The following ROBO1 variants were observed in gnomAD, a reference collection of about 807,000 sequenced individuals.
The protein encoded by ROBO1 is roundabout homolog 1.
ROBO1 carries 149 observed loss-of-function variants against 195.9 expected under a neutral mutation model. The observed-to-expected ratio is 0.76, with a 90% CI of 0.67 to 0.87. The LOEUF is 0.87. Ranked by LOEUF, ROBO1 falls within the 40% of genes least tolerant of loss-of-function variation. ROBO1 has a pLI of 0.00. For missense variants in ROBO1, 1,933 were observed against 2,068.3 expected, an observed-to-expected ratio of 0.93 and a Z score of 1.27; for synonymous variants, 816 against 733.2, an observed-to-expected ratio of 1.11 and a Z score of -1.82.
At chr3:79,713,711 G>A (rs1331697945) in intron 1 of ROBO1, among the ~76,000 whole-genome samples, 1 of 152,092 alleles carries the variant, frequency 6.6e-6, no homozygotes, top group Non-Finnish European at 1.5e-5. Flanking sequence ...TTCTTCTAGG[G>A]TTTTTATGGT....
At chr3:79,161,209 C>A (rs2080957591) in intron 2 of ROBO1, among the ~76,000 whole-genome samples, 2 of 152,152 alleles carry the variant, frequency 1.3e-5, no homozygotes, top group Middle Eastern at 3.4e-3. Flanking sequence ...ACCAAGGCTG[C>A]CTGCCAAGTC....
chr3:79,404,399 C>T (rs73127378), intron 2 of ROBO1, among the ~76,000 whole-genome samples: 10,046 of 152,104 alleles, frequency 0.066, 402 homozygotes, highest in East Asian at 0.14. Context: ...CAACTATATC[C>T]ACCATAATTG....
intron 3 of ROBO1, among the ~76,000 whole-genome samples, chr3:78,983,465 C>G (rs1331046433): frequency 2.0e-5 from 3 of 152,212 alleles, no homozygotes; most frequent in Non-Finnish European, 4.4e-5. Context: ...CTTCTCAATT[C>G]TCAGAGTTCA....
At chr3:78,718,395 C>T (rs999922986) in intron 5 of ROBO1, among the ~76,000 whole-genome samples, 13 of 152,118 alleles carry the variant, frequency 8.5e-5, no homozygotes, top group South Asian at 2.1e-4. Flanking sequence ...ATCTTCATTG[C>T]GAAAACATAG....
chr3:79,755,603 C>A (rs946405477), intron 1 of ROBO1, among the ~76,000 whole-genome samples: 2 of 151,978 alleles, frequency 1.3e-5, no homozygotes, highest in Non-Finnish European at 2.9e-5. Flanking sequence ...TTTAATGACA[C>A]TGGAATAGGA....
At chr3:78,599,366 C>G (rs62260368) in intron 30 of ROBO1, among the ~76,000 whole-genome samples, 2,293 of 152,262 alleles carry the variant, frequency 0.015, 21 homozygotes, top group African/African-American at 0.019. Context: ...GAAAGTCTTT[C>G]TCATTCTAAA....
chr3:78,734,550 T>C (rs1381668407), intron 5 of ROBO1, among the ~76,000 whole-genome samples: 1 of 150,218 alleles, frequency 6.7e-6, no homozygotes, highest in Non-Finnish European at 1.5e-5. Flanking sequence ...GACAGAGAGA[T>C]ACCCTGTCTC....
intron 8 of ROBO1, among the ~76,000 whole-genome samples, chr3:78,706,101 C>T (rs2081544947): frequency 6.6e-6 from 1 of 151,958 alleles, no homozygotes; most frequent in Admixed American, 6.6e-5. Flanking sequence ...CCATTAAGGG[C>T]AGTAGTAGCA....
Position 78,906,052 on chromosome 3 carries a change from T to C in ROBO1, c.499+32549A>G, listed in dbSNP as rs529579671. 5.9e-5 allele frequency among the ~76,000 whole-genome samples: 9 copies of C among 152,310 alleles called. No homozygotes were observed. In the East Asian group the frequency reaches 1.5e-3, roughly 26 times the overall value. ...AAGAATGTTATAAATGTGAATACTTTTTTGTTGTTTTTCATTTTTGTTTTA... is the reference window on the plus strand; with the variant it reads ...AAGAATGTTATAAATGTGAATACTTCTTTGTTGTTTTTCATTTTTGTTTTA... On this transcript the variant is annotated intron_variant, in intron 4 of 30. Coordinates refer to ENST00000464233, the MANE Select transcript of ROBO1 (RefSeq NM_002941.4).
At chr3:78,792,323 T>G (rs1333426340) in intron 4 of ROBO1, among the ~76,000 whole-genome samples, 1 of 152,232 alleles carries the variant, frequency 6.6e-6, no homozygotes, top group Non-Finnish European at 1.5e-5. Flanking sequence ...GGAATGTGCT[T>G]CTTTGTTTTC....
chr3:79,522,165 C>A (rs945305558), intron 2 of ROBO1, among the ~76,000 whole-genome samples: 1 of 152,010 alleles, frequency 6.6e-6, no homozygotes, highest in Non-Finnish European at 1.5e-5. Flanking sequence ...ATAATAAATT[C>A]TGTATTTTAA....
At chr3:78,696,632 A>C (rs1460766569) in intron 8 of ROBO1, among the ~76,000 whole-genome samples, 2 of 132,934 alleles carry the variant, frequency 1.5e-5, no homozygotes, top group Non-Finnish European at 3.1e-5. Flanking sequence ...TCATTACTAC[A>C]TGCATATATA....
chr3:78,931,434 C>T (rs568084246), intron 4 of ROBO1, among the ~76,000 whole-genome samples: 56 of 151,660 alleles, frequency 3.7e-4, no homozygotes, highest in Non-Finnish European at 6.9e-4. Flanking sequence ...TCAGTGGAGA[C>T]GGAGTTTCTC....
chr3:79,250,521 G>T (rs950660059), intron 2 of ROBO1, among the ~76,000 whole-genome samples: 2 of 152,078 alleles, frequency 1.3e-5, no homozygotes, highest in African/African-American at 4.8e-5. Flanking sequence ...CTAGTTTCAA[G>T]CTATGTTTTC....
Position 78,670,076 on chromosome 3 carries a change from A to G in ROBO1, c.1548+20T>C. 1 of 1,558,336 alleles carries G rather than the reference A, an allele frequency of 6.4e-7. No individual in the cohort carries two copies. The highest frequency in any genetic ancestry group is 1.4e-5 in the African/African-American group (1 of 73,650). On this transcript the variant is annotated intron_variant, in intron 11 of 30. Coordinates refer to ENST00000464233, the MANE Select transcript of ROBO1 (RefSeq NM_002941.4). ...CAAAGTGAAACAAAACAAGAAACGC[A>G]AGGTGCCATTCCAAGTTACCTTAGC...
intron 2 of ROBO1, among the ~76,000 whole-genome samples, chr3:79,557,784 A>G (rs111450077): frequency 3.4e-5 from 5 of 147,150 alleles, no homozygotes; most frequent in Middle Eastern, 3.7e-3. Context: ...AATTATTGCA[A>G]TTGTGTCTGT....
chr3:79,531,433 G>A (rs775386804), intron 2 of ROBO1, among the ~76,000 whole-genome samples: 9 of 152,046 alleles, frequency 5.9e-5, no homozygotes, highest in Non-Finnish European at 1.2e-4. Flanking sequence ...ACCAGGGTGG[G>A]CAACATGTCA....
At chr3:78,819,629 A>T (rs1048815520) in intron 4 of ROBO1, among the ~76,000 whole-genome samples, 1 of 152,112 alleles carries the variant, frequency 6.6e-6, no homozygotes, top group Non-Finnish European at 1.5e-5. Flanking sequence ...CTCTGGACTC[A>T]GAACTCTCTC....
At chr3:79,068,575 A>G (rs980133485) in intron 3 of ROBO1, among the ~76,000 whole-genome samples, 1 of 151,734 alleles carries the variant, frequency 6.6e-6, no homozygotes, top group African/African-American at 2.4e-5. Context: ...CTATTTGGTG[A>G]CCTTAAATCT....
Sources: gnomAD v4.1 joint callset for allele counts (sites outside exome capture counted in the v4.1 genomes callset) on GRCh38, gnomAD v4.1.1 for gene constraint, MANE v1.5 for transcripts, NCBI Gene and HGNC (gene_info 2026-07-23, HGNC 2026-07-21) for gene names.